The following HDAC9 variants were observed in gnomAD, a reference collection of about 807,000 sequenced individuals.
HDAC9 encodes the protein MEF-2 interacting transcription repressor (MITR) protein.
In HDAC9, 41 loss-of-function variants were observed where a neutral mutation model predicts 139.4. The ratio of observed to expected loss-of-function variants is 0.29; its 90% confidence interval spans 0.23 to 0.38. The LOEUF is 0.38. Ranked by LOEUF, HDAC9 falls within the 10% of genes least tolerant of loss-of-function variation. HDAC9 has a pLI of 1.00. For synonymous variants in HDAC9, 517 were observed against 476.2 expected, an observed-to-expected ratio of 1.09 and a Z score of -1.12; for missense variants, 1,147 against 1,297.0, an observed-to-expected ratio of 0.88 and a Z score of 1.78.
At chr7:18,254,810 A>G (rs1449926640) in intron 2 of HDAC9, among the ~76,000 whole-genome samples, 3 of 152,216 alleles carry the variant, frequency 2.0e-5, no homozygotes, top group Admixed American at 6.5e-5. Flanking sequence ...TGCTTTATTA[A>G]GTGCAGTAAT....
intron 2 of HDAC9, among the ~76,000 whole-genome samples, chr7:18,540,628 T>G (rs552857426): frequency 1.3e-4 from 20 of 152,286 alleles, no homozygotes; most frequent in African/African-American, 4.3e-4. Context: ...TGGTACTCTA[T>G]TAAACAAAAT....
intron 1 of HDAC9, among the ~76,000 whole-genome samples, chr7:18,142,253 C>T (rs1785952961): frequency 6.6e-6 from 1 of 151,980 alleles, no homozygotes; most frequent in Non-Finnish European, 1.5e-5. Context: ...TTAATTTGGC[C>T]CAAATAAGTA....
At chr7:18,231,484 C>T (rs762775902) in intron 2 of HDAC9, among the ~76,000 whole-genome samples, 2 of 152,130 alleles carry the variant, frequency 1.3e-5, no homozygotes, top group South Asian at 2.1e-4. Flanking sequence ...TAGTAGGCAA[C>T]CTAAGTATTC....
intron 1 of HDAC9, among the ~76,000 whole-genome samples, chr7:18,148,501 G>A (rs1357643378): frequency 6.6e-6 from 1 of 152,028 alleles, no homozygotes; most frequent in African/African-American, 2.4e-5. Context: ...TTGTCACTCA[G>A]GCTGGAGTGC....
At chr7:18,943,187 C>G (rs1782138664) in intron 23 of HDAC9, among the ~76,000 whole-genome samples, 1 of 152,024 alleles carries the variant, frequency 6.6e-6, no homozygotes, top group African/African-American at 2.4e-5. Context: ...TGTTGGAAAA[C>G]TACACATACA....
chr7:18,317,303 A>G (rs1420490837), intron 1 of HDAC9, among the ~76,000 whole-genome samples: 1 of 152,032 alleles, frequency 6.6e-6, no homozygotes, highest in Non-Finnish European at 1.5e-5. Flanking sequence ...TTTGTATCAT[A>G]TGTTTATTTC....
At chr7:18,657,546 C>A (rs983030428) in intron 11 of HDAC9, among the ~76,000 whole-genome samples, 8 of 152,036 alleles carry the variant, frequency 5.3e-5, no homozygotes, top group African/African-American at 1.9e-4. Context: ...GGAAAGAATC[C>A]TATTAGGTAA....
chr7:18,844,021 A>G (rs1432508880), intron 21 of HDAC9, among the ~76,000 whole-genome samples: 2 of 152,176 alleles, frequency 1.3e-5, no homozygotes, highest in African/African-American at 4.8e-5. Context: ...GACATCAAAC[A>G]TGTGGATGAT....
chr7:18,744,699 T>TA (rs576708436), intron 13 of HDAC9, among the ~76,000 whole-genome samples: 191 of 152,142 alleles, frequency 1.3e-3, no homozygotes, highest in African/African-American at 4.4e-3. Context: ...ATTATATGGC[T>TA]AAAAAATGAC....
At chr7:18,277,811 A>T (rs1248051154) in intron 2 of HDAC9, among the ~76,000 whole-genome samples, 3 of 152,244 alleles carry the variant, frequency 2.0e-5, no homozygotes, top group Non-Finnish European at 4.4e-5. Flanking sequence ...AATTAATAGG[A>T]AATGCTTTGT....
intron 1 of HDAC9, among the ~76,000 whole-genome samples, chr7:18,369,154 T>C (rs899339350): frequency 2.0e-5 from 3 of 152,116 alleles, no homozygotes; most frequent in Non-Finnish European, 4.4e-5. Context: ...AATAATTTAG[T>C]AGATCCTTCT....
At chr7:18,135,278 G>A (rs918768073) in intron 1 of HDAC9, among the ~76,000 whole-genome samples, 2 of 147,992 alleles carry the variant, frequency 1.4e-5, no homozygotes, top group African/African-American at 5.0e-5. Context: ...TTTTAAAAAG[G>A]TAGTATTTAC....
At chr7:18,950,874 CAT>C (rs1782744439) in intron 23 of HDAC9, among the ~76,000 whole-genome samples, 1 of 151,984 alleles carries the variant, frequency 6.6e-6, no homozygotes, top group African/African-American at 2.4e-5. Context: ...AACGTCAACA[CAT>C]AACAAAAACG....
intron 1 of HDAC9, among the ~76,000 whole-genome samples, chr7:18,310,726 G>A (rs573954500): frequency 1.3e-5 from 2 of 151,696 alleles, no homozygotes; most frequent in Admixed American, 6.6e-5. Context: ...ACATCATACA[G>A]CATTGTTAAC....
chr7:18,469,799 G>C (rs1794589534), intron 1 of HDAC9, among the ~76,000 whole-genome samples: 1 of 152,048 alleles, frequency 6.6e-6, no homozygotes, highest in African/African-American at 2.4e-5. Flanking sequence ...AGATCTTATA[G>C]GTAAATCATT....
At chr7:18,654,168 C>T (rs1264075125) in intron 11 of HDAC9, among the ~76,000 whole-genome samples, 2 of 152,134 alleles carry the variant, frequency 1.3e-5, no homozygotes, top group African/African-American at 2.4e-5. Flanking sequence ...TTCATATTCT[C>T]AAACAGATAC....
intron 1 of HDAC9, among the ~76,000 whole-genome samples, chr7:18,353,247 C>T (rs1382127261): frequency 6.6e-6 from 1 of 151,442 alleles, no homozygotes; most frequent in African/African-American, 2.4e-5. Flanking sequence ...TTTGATGTCT[C>T]AGGAGTAAAG....
chr7:18,429,724 G>C (rs1472275798), intron 1 of HDAC9, among the ~76,000 whole-genome samples: 1 of 152,182 alleles, frequency 6.6e-6, no homozygotes, highest in Non-Finnish European at 1.5e-5. Flanking sequence ...TAAACTTGGA[G>C]AGGCAGAAAT....
chr7:18,581,731 CTT>C (rs1583652634), intron 2 of HDAC9, among the ~76,000 whole-genome samples: 1 of 152,098 alleles, frequency 6.6e-6, no homozygotes, highest in Non-Finnish European at 1.5e-5. Flanking sequence ...TATGCCAAGT[CTT>C]TTAGTTAATA....
Sources: allele counts gnomAD v4.1 joint callset (sites outside exome capture counted in the v4.1 genomes callset), GRCh38; gene constraint gnomAD v4.1.1; transcripts MANE v1.5; gene names NCBI Gene and HGNC (gene_info 2026-07-23, HGNC 2026-07-21).